Variants in PCDHA11 observed in about 807,000 individuals in gnomAD.
PCDHA11 encodes protocadherin alpha 11.
In PCDHA11, 61 loss-of-function variants were observed where a neutral mutation model predicts 70.3. The ratio of observed to expected loss-of-function variants is 0.87; its 90% CI spans 0.71 to 1.07. The LOEUF is 1.07. Among genes scored for constraint, PCDHA11 ranks in the 50% least tolerant of loss-of-function variants. PCDHA11 has a pLI of 0.00. For synonymous variants in PCDHA11, 633 were observed against 555.1 expected, an observed-to-expected ratio of 1.14 and a Z score of -1.97; for missense variants, 1,324 against 1,237.5, an observed-to-expected ratio of 1.07 and a Z score of -1.05.
intron 1 of PCDHA11, among the ~76,000 whole-genome samples, chr5:140,934,475 A>G (rs1554209923): frequency 6.6e-6 from 1 of 152,172 alleles, no homozygotes; most frequent in African/African-American, 2.4e-5. Context: ...ATTATTTTGA[A>G]AATTATATTC....
At position 140,871,095 on chromosome 5, in the gene PCDHA11, GC is replaced by G; in HGVS notation, c.1993del (p.Leu665TrpfsTer35). On this transcript the variant is annotated frameshift_variant, in exon 1 of 4. Coordinates refer to ENST00000398640, the MANE Select transcript of PCDHA11 (RefSeq NM_018902.5). LOFTEE classifies it high-confidence loss of function. ...EPALTATATVLVSLVESGQAP... is the reference protein window; with the variant it reads ...EPALTATATVXVSLVESGQAP... ...CGGCGCTGACGGCCACGGCCACCGT[GC>G]TGGTGTCGTTGGTGGAGAGCGGACA... The G allele has an allele frequency of 4.3e-6, 7 of 1,613,278 alleles. No individual in the cohort carries two copies. In the South Asian group the frequency reaches 5.5e-5, roughly 13 times the overall value.
Position 140,978,986 on chromosome 5 carries a change from C to A in PCDHA11, c.2429C>A (p.Ser810Tyr). The change falls in exon 2 of 4, where the codon TCC becomes TAC. Residue 810 changes from serine (S) to tyrosine (Y), a missense_variant. Ser to Tyr is a moderately radical substitution (Grantham distance 144). Coordinates refer to ENST00000398640, the MANE Select transcript of PCDHA11 (RefSeq NM_018902.5). ...AACCCTGACTGGCGTTACTCTGCCT[C>A]CCTGAGAGCAGGCATGCACAGGTAT... ...QPNPDWRYSA[S>Y]LRAGMHSSVH... is the part of the protein sequence containing the mutation. The A allele has an allele frequency of 6.2e-7, 1 of 1,614,190 alleles. No homozygotes were observed. The highest frequency in any genetic ancestry group is 1.7e-5 in the Admixed American group (1 of 60,026).
chr5:140,959,424 G>A (rs957625236), intron 1 of PCDHA11, among the ~76,000 whole-genome samples: 1 of 152,104 alleles, frequency 6.6e-6, no homozygotes, highest in Non-Finnish European at 1.5e-5. Context: ...CTGAGAATTT[G>A]TGTATTTTTT....
At chr5:140,902,920 C>T (rs1186097921) in intron 1 of PCDHA11, among the ~76,000 whole-genome samples, 1 of 152,304 alleles carries the variant, frequency 6.6e-6, no homozygotes, top group Non-Finnish European at 1.5e-5. Context: ...AGTAGTATTG[C>T]ATGGTGTATA....
intron 3 of PCDHA11, among the ~76,000 whole-genome samples, chr5:141,000,403 A>G (rs1233777704): frequency 4.8e-5 from 4 of 84,110 alleles, no homozygotes; most frequent in Non-Finnish European, 9.0e-5. Context: ...CTCTATATAT[A>G]TATATATATA....
At chr5:140,894,405 C>T (rs1277416530) in intron 1 of PCDHA11, among the ~76,000 whole-genome samples, 4 of 151,926 alleles carry the variant, frequency 2.6e-5, no homozygotes, top group African/African-American at 9.7e-5. Flanking sequence ...CTTTGCTTTT[C>T]TTTTGTAGCT....
At position 140,966,247 on chromosome 5, in the gene PCDHA11, A is replaced by G. The variant is rs145363912; in HGVS notation, c.2392-12702A>G. 739 of 318,152 alleles carry G rather than the reference A, an allele frequency of 2.3e-3. 16 individuals are homozygous for G. In the Admixed American group the frequency reaches 0.033, roughly 14 times the overall value. 19.7% of individuals were successfully genotyped at this position (318,152 alleles called of 1,614,324 possible). On this transcript the variant is annotated intron_variant, in intron 1 of 3. Coordinates refer to ENST00000398640, the MANE Select transcript of PCDHA11 (RefSeq NM_018902.5). ...TCCTTAAAGACCCGTTAAGCAGGGGAGAGACGGTGGAGACTGGATGAACTG... is the reference window on the plus strand; with the variant it reads ...TCCTTAAAGACCCGTTAAGCAGGGGGGAGACGGTGGAGACTGGATGAACTG...
chr5:140,875,371 C>T (rs2055439966), intron 1 of PCDHA11: 2 of 1,451,152 alleles, frequency 1.4e-6, no homozygotes, highest in African/African-American at 1.4e-5. Flanking sequence ...AAAAAATTTA[C>T]TAAATATGTA....
chr5:140,940,844 T>C (rs942965203), intron 1 of PCDHA11, among the ~76,000 whole-genome samples: 1 of 152,228 alleles, frequency 6.6e-6, no homozygotes. Flanking sequence ...TTCTTCACGA[T>C]AGATTTTTAT....
intron 1 of PCDHA11, chr5:140,928,939 T>G (rs367874769): frequency 6.2e-7 from 1 of 1,614,012 alleles, no homozygotes; most frequent in African/African-American, 1.3e-5. Context: ...CCAGAACTTG[T>G]ATTTAGTAAT....
intron 3 of PCDHA11, among the ~76,000 whole-genome samples, chr5:141,005,862 G>A (rs376850991): frequency 6.6e-6 from 1 of 152,012 alleles, no homozygotes; most frequent in Non-Finnish European, 1.5e-5. Flanking sequence ...CAGGAGGGTC[G>A]ATTGAGTCCA....
At chr5:140,881,244 C>T (rs1219638908) in intron 1 of PCDHA11, 9 of 397,012 alleles carry the variant, frequency 2.3e-5, no homozygotes, top group Non-Finnish European at 3.1e-5. Context: ...ATTTAAATGA[C>T]GGCAAGGTTT....
intron 1 of PCDHA11, chr5:140,927,524 C>G (rs781824669): frequency 1.2e-6 from 2 of 1,614,104 alleles, no homozygotes; most frequent in Admixed American, 1.7e-5. Flanking sequence ...GGCGGGCTAC[C>G]TGCCCGCTCA....
chr5:140,882,453 G>A, intron 1 of PCDHA11: 3 of 1,614,042 alleles, frequency 1.9e-6, no homozygotes, highest in Non-Finnish European at 2.5e-6. Flanking sequence ...CTGGTGCCGC[G>A]CCTGTTCCGG....
intron 3 of PCDHA11, among the ~76,000 whole-genome samples, chr5:140,993,449 CCTT>C (rs1214858534): frequency 1.4e-5 from 2 of 144,318 alleles, no homozygotes; most frequent in Non-Finnish European, 1.5e-5. Flanking sequence ...TTCCTGTTCT[CCTT>C]CTTTCTTTCT....
chr5:140,889,028 C>G (rs1015343865), intron 1 of PCDHA11, among the ~76,000 whole-genome samples: 1 of 151,754 alleles, frequency 6.6e-6, no homozygotes. Flanking sequence ...CTTGGATAAC[C>G]GTAATTTGAT....
At position 140,951,558 on chromosome 5, in the gene PCDHA11, C is replaced by T. The variant is rs79908970; in HGVS notation, c.2392-27391C>T. On this transcript the variant is annotated intron_variant, in intron 1 of 3. Coordinates refer to ENST00000398640, the MANE Select transcript of PCDHA11 (RefSeq NM_018902.5). The stretch of plus-strand genomic sequence containing the variant: ...GAGCAAGGGACGGGGGGAAGTGCTA[C>T]GCACTTTTAAACAACCAGATTTCAC... Among the ~76,000 whole-genome samples the T allele has an allele frequency of 3.7e-4, 56 of 152,112 alleles. No individual in the cohort carries two copies. In the East Asian group the frequency reaches 9.5e-3, roughly 26 times the overall value.
intron 1 of PCDHA11, among the ~76,000 whole-genome samples, chr5:140,940,999 A>C (rs2092715324): frequency 1.3e-5 from 2 of 152,264 alleles, no homozygotes; most frequent in Admixed American, 1.3e-4. Context: ...TATAGGATTA[A>C]ATTTTCCTTT....
At chr5:140,990,668 G>A (rs1554251661) in intron 3 of PCDHA11, among the ~76,000 whole-genome samples, 1 of 152,178 alleles carries the variant, frequency 6.6e-6, no homozygotes, top group African/African-American at 2.4e-5. Flanking sequence ...TACATTAGAT[G>A]CACACCAAGC....
Sources: gnomAD v4.1 joint callset for allele counts (sites outside exome capture counted in the v4.1 genomes callset) on GRCh38, gnomAD v4.1.1 for gene constraint, MANE v1.5 for transcripts, NCBI Gene and HGNC (gene_info 2026-07-23, HGNC 2026-07-21) for gene names.